The following GABBR2 variants were observed in gnomAD, a reference collection of about 807,000 sequenced individuals.
The protein encoded by GABBR2 is gamma-aminobutyric acid type B receptor subunit 2.
Under a neutral mutation model 105.6 loss-of-function variants are expected in GABBR2, and 23 were observed. The observed-to-expected ratio is 0.22, with a 90% CI of 0.16 to 0.31. GABBR2 has a LOEUF of 0.31. Among genes scored for constraint, GABBR2 ranks in the 10% least tolerant of loss-of-function variants. GABBR2 has a pLI of 1.00. For synonymous variants in GABBR2, 478 were observed against 499.7 expected (o/e 0.96, Z 0.58); for missense variants, 734 against 1,245.5 (o/e 0.59, Z 6.18).
intron 3 of GABBR2, chr9:98,538,679 C>A (rs764215573): frequency 1.4e-6 from 1 of 691,662 alleles, no homozygotes; most frequent in Non-Finnish European, 1.8e-6. Flanking sequence ...CCTCCACCAC[C>A]CCCTCCGACT....
chr9:98,443,247 CAG>C (rs1826063512), intron 7 of GABBR2, among the ~76,000 whole-genome samples: 1 of 152,198 alleles, frequency 6.6e-6, no homozygotes, highest in African/African-American at 2.4e-5. Context: ...GGGATAAAGA[CAG>C]AGCCTGCACC....
chr9:98,321,061 G>A (rs529574575), intron 13 of GABBR2, among the ~76,000 whole-genome samples: 1 of 152,144 alleles, frequency 6.6e-6, no homozygotes, highest in Non-Finnish European at 1.5e-5. Flanking sequence ...TGTGACCCAG[G>A]AACAGGACCT....
At chr9:98,665,557 T>C (rs1830322949) in intron 1 of GABBR2, among the ~76,000 whole-genome samples, 1 of 152,148 alleles carries the variant, frequency 6.6e-6, no homozygotes, top group Non-Finnish European at 1.5e-5. Flanking sequence ...CCTATAGTAC[T>C]AGAGGAATCT....
chr9:98,621,969 A>G (rs1252827292), intron 1 of GABBR2, among the ~76,000 whole-genome samples: 1 of 152,052 alleles, frequency 6.6e-6, no homozygotes, highest in African/African-American at 2.4e-5. Flanking sequence ...TGACTATAAG[A>G]TTTTAAGACC....
chr9:98,702,190 T>C (rs1830837669), intron 1 of GABBR2, among the ~76,000 whole-genome samples: 1 of 151,906 alleles, frequency 6.6e-6, no homozygotes, highest in Non-Finnish European at 1.5e-5. Context: ...AGGTGTGAGG[T>C]GAGCACGTGG....
chr9:98,527,281 C>A (rs1827979914), intron 3 of GABBR2, among the ~76,000 whole-genome samples: 1 of 151,796 alleles, frequency 6.6e-6, no homozygotes, highest in South Asian at 2.1e-4. Flanking sequence ...CCAAAGTCAC[C>A]CAGCTGGCAA....
intron 13 of GABBR2, among the ~76,000 whole-genome samples, chr9:98,348,610 C>G (rs1379241793): frequency 6.6e-6 from 1 of 152,142 alleles, no homozygotes; most frequent in Non-Finnish European, 1.5e-5. Flanking sequence ...CAATTTCTTT[C>G]ATTGGTGTTT....
At chr9:98,509,954 A>T (rs1827601397) in intron 3 of GABBR2, among the ~76,000 whole-genome samples, 1 of 152,230 alleles carries the variant, frequency 6.6e-6, no homozygotes, top group South Asian at 2.1e-4. Flanking sequence ...GAGCAACTCC[A>T]AGACACATAA....
chr9:98,364,208 ACC>A (rs1424593345), intron 12 of GABBR2, among the ~76,000 whole-genome samples: 3 of 152,160 alleles, frequency 2.0e-5, no homozygotes, highest in Non-Finnish European at 4.4e-5. Context: ...CTTTGCAGAA[ACC>A]CAGCTTAACT....
At chr9:98,429,121 GGTGT>G (rs56248488) in intron 7 of GABBR2, among the ~76,000 whole-genome samples, 1,998 of 145,520 alleles carry the variant, frequency 0.014, 25 homozygotes, top group African/African-American at 0.033. Flanking sequence ...CCAGGTTTTT[GGTGT>G]GTGTGTGTGT....
At chr9:98,436,649 C>T (rs939763098) in intron 7 of GABBR2, among the ~76,000 whole-genome samples, 2 of 151,480 alleles carry the variant, frequency 1.3e-5, no homozygotes, top group African/African-American at 4.9e-5. Context: ...CCTCCTATTA[C>T]ACCAAGCTGC....
At chr9:98,522,152 A>C (rs993150289) in intron 3 of GABBR2, among the ~76,000 whole-genome samples, 1 of 151,728 alleles carries the variant, frequency 6.6e-6, no homozygotes, top group Non-Finnish European at 1.5e-5. Flanking sequence ...GTAAAAAAAA[A>C]CTGATGAATA....
At chr9:98,639,023 CCCAGTTCATCTGCATCTCATTATTGGG>C (rs1829921003) in intron 1 of GABBR2, among the ~76,000 whole-genome samples, 2 of 152,168 alleles carry the variant, frequency 1.3e-5, no homozygotes, top group African/African-American at 4.8e-5. Flanking sequence ...TCTCTTCCTC[CCCAGTTCATCTGCATCTCATTATTGGG>C]CCACAAGAAA....
At chr9:98,489,261 C>T (rs1000378276) in intron 4 of GABBR2, among the ~76,000 whole-genome samples, 6 of 152,082 alleles carry the variant, frequency 3.9e-5, no homozygotes, top group Non-Finnish European at 8.8e-5. Context: ...TTAAAAGTGT[C>T]CTCCTTTGAT....
rs545579152 is a variant in GABBR2 at position 98,531,464 on chromosome 9, G to A, written c.630+10409C>T. Among the ~76,000 whole-genome samples, 328 of 152,328 alleles carry A rather than the reference G, an allele frequency of 2.2e-3. 1 individual carries two copies. Among genetic ancestry groups the A allele is most frequent in the African/African-American group, 7.2e-3 (301 of 41,574 alleles). Reference sequence around the variant, plus strand: ...GAGCCAGATAAAGGCATCCAAGCTCGGACATCTGTCTTCAGCAGGCTTAGC... The same window carrying A: ...GAGCCAGATAAAGGCATCCAAGCTCAGACATCTGTCTTCAGCAGGCTTAGC... On this transcript the variant is annotated intron_variant, in intron 3 of 18. Transcript: ENST00000259455.
At chr9:98,384,914 T>C (rs1288065677) in intron 11 of GABBR2, among the ~76,000 whole-genome samples, 1 of 152,190 alleles carries the variant, frequency 6.6e-6, no homozygotes, top group African/African-American at 2.4e-5. Flanking sequence ...TGTCTAAAAA[T>C]GCTCCTTAGG....
intron 1 of GABBR2, among the ~76,000 whole-genome samples, chr9:98,648,142 T>TAGATAGATAGATAGAC (rs1363220754): frequency 7.4e-6 from 1 of 134,662 alleles, no homozygotes; most frequent in African/African-American, 2.9e-5. Flanking sequence ...GATAGATAGA[T>TAGATAGATAGATAGAC]AGATAGATAG....
intron 8 of GABBR2, among the ~76,000 whole-genome samples, chr9:98,395,068 G>A (rs1832262619): frequency 6.6e-6 from 1 of 152,150 alleles, no homozygotes; most frequent in South Asian, 2.1e-4. Flanking sequence ...GGTGTGTTTA[G>A]TTCATTGTTT....
Position 98,450,526 on chromosome 9 carries a change from A to C in GABBR2, c.1236+3455T>G, listed in dbSNP as rs535275472. ...CTCCACTAAAGGGGCACTTATGCAA[A>C]GAAAAGGGAGATGGTGTTGAGTGGG... On this transcript the variant is annotated intron_variant, in intron 7 of 18. Coordinates refer to ENST00000259455, the MANE Select transcript of GABBR2 (RefSeq NM_005458.8). Among the ~76,000 whole-genome samples, 7 of 152,318 alleles carry C rather than the reference A, an allele frequency of 4.6e-5. No homozygotes were observed. In the South Asian group the frequency reaches 1.5e-3, roughly 32 times the overall value.
Sources: gnomAD v4.1 joint callset for allele counts (sites outside exome capture counted in the v4.1 genomes callset) on GRCh38, gnomAD v4.1.1 for gene constraint, MANE v1.5 for transcripts, NCBI Gene and HGNC (gene_info 2026-07-23, HGNC 2026-07-21) for gene names.